The following MAP2K6 variants were observed in gnomAD, a reference collection of about 807,000 sequenced individuals.
MAP2K6 encodes the protein mitogen-activated protein kinase kinase 6.
MAP2K6 carries 16 observed loss-of-function variants against 53.7 expected under a neutral mutation model. That is an observed-to-expected ratio of 0.30 (90% CI 0.20 to 0.45). The LOEUF is 0.45. Among genes scored for constraint, MAP2K6 ranks in the 20% least tolerant of loss-of-function variants. The probability of loss-of-function intolerance (pLI) is 1.00; values close to 1 mark genes in which losing one functional copy is unlikely to be tolerated. For synonymous variants in MAP2K6, 132 were observed against 143.1 expected (o/e 0.92, Z 0.55); for missense variants, 204 against 411.9 (o/e 0.50, Z 4.37).
intron 11 of MAP2K6, among the ~76,000 whole-genome samples, chr17:69,540,062 C>T (rs1467469784): frequency 2.0e-5 from 3 of 152,150 alleles, no homozygotes; most frequent in African/African-American, 7.2e-5. Flanking sequence ...GATACTTAAT[C>T]GCGACCAGCT....
At chr17:69,426,545 A>T (rs981392958) in intron 1 of MAP2K6, among the ~76,000 whole-genome samples, 2 of 152,130 alleles carry the variant, frequency 1.3e-5, no homozygotes, top group African/African-American at 4.8e-5. Context: ...GTCTAGGAGG[A>T]GGTAAGAAAA....
At chr17:69,472,320 T>C (rs1908007639) in intron 1 of MAP2K6, among the ~76,000 whole-genome samples, 1 of 152,068 alleles carries the variant, frequency 6.6e-6, no homozygotes, top group Admixed American at 6.6e-5. Context: ...TAAATATGCA[T>C]CGTTATAAGC....
chr17:69,414,927 G>GTCT lies in MAP2K6; in HGVS notation c.-58_-57insTCT. 1 of 1,498,308 alleles carries GTCT rather than the reference G, an allele frequency of 6.7e-7. No individual in the cohort carries two copies. The highest frequency in any genetic ancestry group is 1.1e-5 in the South Asian group (1 of 87,882). The allele number at this position is 1,498,308 out of a possible 1,614,324, so 92.8% of individuals were successfully genotyped here. A position where few individuals can be genotyped will look rare whatever the true frequency, so the allele number is the denominator to read the frequency against. ...CATCTTTGTTGCAAAACTAGCTACA[G>GTCT]AAGAGAAGCAAGGCAAAGTCTTTTG... On this transcript the variant is annotated 5_prime_UTR_variant, in exon 1 of 12. Coordinates refer to ENST00000590474, the MANE Select transcript of MAP2K6 (RefSeq NM_002758.4).
At chr17:69,498,488 C>A (rs1032533471) in intron 1 of MAP2K6, among the ~76,000 whole-genome samples, 2 of 152,086 alleles carry the variant, frequency 1.3e-5, no homozygotes, top group Non-Finnish European at 2.9e-5. Context: ...AGCAGGGGAC[C>A]CACCTGCATG....
chr17:69,507,187 C>A (rs971930138), intron 2 of MAP2K6, among the ~76,000 whole-genome samples: 3 of 152,070 alleles, frequency 2.0e-5, no homozygotes, highest in Non-Finnish European at 2.9e-5. Flanking sequence ...AGGGAAGTCC[C>A]ATAGATCCCT....
chr17:69,474,939 C>G (rs569923034), intron 1 of MAP2K6, among the ~76,000 whole-genome samples: 7 of 152,228 alleles, frequency 4.6e-5, no homozygotes, highest in African/African-American at 1.7e-4. Flanking sequence ...GATTCAGTGC[C>G]CCTTAATTGC....
intron 1 of MAP2K6, among the ~76,000 whole-genome samples, chr17:69,449,591 T>TTCTTTC (rs1266574890): frequency 7.6e-6 from 1 of 131,338 alleles, no homozygotes; most frequent in African/African-American, 2.6e-5. Flanking sequence ...CTTTCTTTCT[T>TTCTTTC]TTTCTTTCTT....
chr17:69,505,550 C>G (rs1242532662), intron 1 of MAP2K6: 8 of 436,816 alleles, frequency 1.8e-5, no homozygotes, highest in Admixed American at 1.5e-4. Context: ...TGTTTGCCCC[C>G]TGGACTAATG....
At chr17:69,493,490 G>T (rs540511347) in intron 1 of MAP2K6, among the ~76,000 whole-genome samples, 1 of 152,326 alleles carries the variant, frequency 6.6e-6, no homozygotes, top group Admixed American at 6.5e-5. Context: ...GCTGGGCGTG[G>T]TGTCTCACGC....
intron 10 of MAP2K6, among the ~76,000 whole-genome samples, chr17:69,527,677 G>A (rs991006484): frequency 2.6e-5 from 4 of 152,172 alleles, no homozygotes; most frequent in African/African-American, 9.7e-5. Context: ...CTCGGAGATG[G>A]TGGCAGGCCC....
At chr17:69,486,081 C>T (rs1285294672) in intron 1 of MAP2K6, among the ~76,000 whole-genome samples, 1 of 152,120 alleles carries the variant, frequency 6.6e-6, no homozygotes, top group South Asian at 2.1e-4. Context: ...AAAATTAAGT[C>T]TAGAACATAT....
intron 1 of MAP2K6, among the ~76,000 whole-genome samples, chr17:69,497,784 C>T (rs1425720114): frequency 6.6e-6 from 1 of 152,120 alleles, no homozygotes; most frequent in African/African-American, 2.4e-5. Flanking sequence ...CCCTTATTGT[C>T]TCTCCAAGTC....
chr17:69,532,441 A>G (rs902755406), intron 10 of MAP2K6, among the ~76,000 whole-genome samples: 1 of 152,188 alleles, frequency 6.6e-6, no homozygotes, highest in Non-Finnish European at 1.5e-5. Flanking sequence ...TGGCATTTGG[A>G]AAAGGAATTA....
rs1911941138 is a variant in MAP2K6, at chr17:69,547,962, G to A, written c.*6209G>A. 6.6e-6 allele frequency: 1 copy of A among 152,150 alleles called. No individual in the cohort carries two copies. The highest frequency in any genetic ancestry group is 2.4e-5 in the African/African-American group (1 of 41,442). The allele number at this position is 152,150 out of a possible 1,614,324, so 9.4% of individuals were successfully genotyped here. ...GTACTGAGATTGGGGAATTTGGGAG[G>A]TCAGACTTACCTCAAACGTAGAAGA... On this transcript the variant is annotated 3_prime_UTR_variant, in exon 12 of 12. Transcript: ENST00000590474.
chr17:69,516,975 A>T lies in MAP2K6; in HGVS notation c.132+72A>T, dbSNP rs1376611377. On this transcript the variant is annotated intron_variant, in intron 3 of 11. Transcript: ENST00000590474. Reference sequence around the variant, plus strand: ...TGTATGCTTTCTGACTGAAAAATTTATTTTCCCTAGCATGCTGTCAGGGGA... The same window carrying T: ...TGTATGCTTTCTGACTGAAAAATTTTTTTTCCCTAGCATGCTGTCAGGGGA... The T allele has an allele frequency of 4.8e-6, 6 of 1,237,164 alleles. No homozygotes were observed. In the African/African-American group the frequency reaches 6.0e-5, roughly 12 times the overall value. 76.6% of individuals were successfully genotyped at this position (1,237,164 alleles called of 1,614,324 possible).
chr17:69,486,817 A>G (rs1908557240), intron 1 of MAP2K6, among the ~76,000 whole-genome samples: 5 of 152,228 alleles, frequency 3.3e-5, no homozygotes, highest in Admixed American at 3.3e-4. Context: ...ATTGAAGAAT[A>G]CAAAACTTGG....
intron 1 of MAP2K6, among the ~76,000 whole-genome samples, chr17:69,461,197 A>G (rs1275855589): frequency 6.6e-6 from 1 of 152,160 alleles, no homozygotes; most frequent in Non-Finnish European, 1.5e-5. Context: ...CTCCCCTTTC[A>G]ACAAGACAGC....
intron 1 of MAP2K6, among the ~76,000 whole-genome samples, chr17:69,456,302 T>C (rs1907410394): frequency 6.6e-6 from 1 of 152,172 alleles, no homozygotes; most frequent in East Asian, 1.9e-4. Context: ...TGGCGGAAAA[T>C]AACACCTGTG....
chr17:69,492,753 G>A (rs1288666450), intron 1 of MAP2K6, among the ~76,000 whole-genome samples: 1 of 151,862 alleles, frequency 6.6e-6, no homozygotes, highest in Non-Finnish European at 1.5e-5. Context: ...TTGCATTTAA[G>A]TCCCACCTGG....
Sources: gnomAD v4.1 joint callset for allele counts (sites outside exome capture counted in the v4.1 genomes callset) on GRCh38, gnomAD v4.1.1 for gene constraint, MANE v1.5 for transcripts, NCBI Gene and HGNC (gene_info 2026-07-23, HGNC 2026-07-21) for gene names.